Variants in NUDCD1 observed in about 807,000 individuals in gnomAD.
The protein encoded by NUDCD1 is nudC domain-containing protein 1.
NUDCD1 carries 60 observed loss-of-function variants against 67.8 expected under a neutral mutation model. The observed-to-expected ratio is 0.88, with a 90% CI of 0.72 to 1.10. The LOEUF is 1.10. Ranked by LOEUF, NUDCD1 falls within the 50% of genes least tolerant of loss-of-function variation. NUDCD1 has a pLI of 0.00. For missense variants in NUDCD1, 643 were observed against 695.0 expected (o/e 0.93, Z 0.84); for synonymous variants, 244 against 230.8 (o/e 1.06, Z -0.52).
chr8:109,280,838 T>C (rs1380084497), intron 6 of NUDCD1, 130 bp downstream of exon 6: 5 of 476,410 alleles, frequency 1.0e-5, no homozygotes, highest in Non-Finnish European at 1.8e-5. Flanking sequence ...ATTTTTAATA[T>C]ATCTTAAGAA....
At chr8:109,332,505 T>C (rs1212035600) in intron 1 of NUDCD1, among the ~76,000 whole-genome samples, 1 of 152,150 alleles carries the variant, frequency 6.6e-6, no homozygotes, top group Non-Finnish European at 1.5e-5. Context: ...AACAAGCTTA[T>C]AGTCTGAGAC....
At chr8:109,310,929 C>T (rs1444201832) in intron 2 of NUDCD1, among the ~76,000 whole-genome samples, 2 of 150,820 alleles carry the variant, frequency 1.3e-5, no homozygotes, top group Non-Finnish European at 2.9e-5. Context: ...GATTCCCCTG[C>T]CTCAGCCTCC....
chr8:109,283,607 G>A (rs569507731), intron 5 of NUDCD1, among the ~76,000 whole-genome samples: 77 of 152,324 alleles, frequency 5.1e-4, no homozygotes, highest in Non-Finnish European at 9.1e-4. Flanking sequence ...TCACAAGCCA[G>A]GAGAGATTGA....
At chr8:109,328,135 AACAAAGG>A (rs1815719836) in intron 1 of NUDCD1, among the ~76,000 whole-genome samples, 1 of 152,222 alleles carries the variant, frequency 6.6e-6, no homozygotes, top group Non-Finnish European at 1.5e-5. Flanking sequence ...GACATAAAAC[AACAAAGG>A]ACACTTATGA....
chr8:109,305,576 C>T (rs1473403370), intron 2 of NUDCD1, among the ~76,000 whole-genome samples: 1 of 152,172 alleles, frequency 6.6e-6, no homozygotes, highest in South Asian at 2.1e-4. Context: ...CGAGATACTA[C>T]AGGGTACAAT....
chr8:109,333,884 G>T lies in NUDCD1; in HGVS notation c.118+9C>A. On this transcript the variant is annotated intron_variant, in intron 1 of 9. Coordinates refer to ENST00000239690, the MANE Select transcript of NUDCD1 (RefSeq NM_032869.4). ...GGAACGGAGTACGAAGGGCGCCGCC[G>T]CTTCCCACCTGCGTCAAGCTCCAGC... 5.0e-6 allele frequency: 8 copies of T among 1,613,752 alleles called. No individual in the cohort carries two copies. Among genetic ancestry groups the T allele is most frequent in the Non-Finnish European group, 6.8e-6 (8 of 1,179,790 alleles).
chr8:109,251,701 G>A (rs780889601), intron 8 of NUDCD1, among the ~76,000 whole-genome samples: 2 of 151,882 alleles, frequency 1.3e-5, no homozygotes, highest in Non-Finnish European at 2.9e-5. Flanking sequence ...TCTTTTCAGA[G>A]GACTAGCTTT....
At chr8:109,267,820 G>A (rs893800660) in intron 8 of NUDCD1, among the ~76,000 whole-genome samples, 2 of 152,146 alleles carry the variant, frequency 1.3e-5, no homozygotes, top group African/African-American at 4.8e-5. Context: ...GATAGAACCT[G>A]CTTACCACAG....
chr8:109,301,317 C>T (rs1342801822), intron 2 of NUDCD1, among the ~76,000 whole-genome samples: 1 of 152,146 alleles, frequency 6.6e-6, no homozygotes, highest in African/African-American at 2.4e-5. Flanking sequence ...TTGTAATATT[C>T]TCTCCGCCCT....
intron 2 of NUDCD1, among the ~76,000 whole-genome samples, chr8:109,320,962 G>A (rs1815519634): frequency 6.6e-6 from 1 of 152,148 alleles, no homozygotes; most frequent in African/African-American, 2.4e-5. Context: ...GGAAATAATG[G>A]ATACTGGAGA....
chr8:109,260,679 C>G (rs114464601), intron 8 of NUDCD1, among the ~76,000 whole-genome samples: 8 of 152,282 alleles, frequency 5.3e-5, no homozygotes, highest in Non-Finnish European at 1.2e-4. Flanking sequence ...AGTATTGCTA[C>G]GCATACACAC....
At chr8:109,315,496 C>G (rs1449644253) in intron 2 of NUDCD1, 2 of 152,144 alleles carry the variant, frequency 1.3e-5, no homozygotes, top group African/African-American at 4.8e-5. Context: ...TGTCTGCTCT[C>G]CATCCCATTC....
chr8:109,296,088 G>A (rs1048989792), intron 3 of NUDCD1, among the ~76,000 whole-genome samples: 1 of 152,112 alleles, frequency 6.6e-6, no homozygotes, highest in African/African-American at 2.4e-5. Flanking sequence ...TCTTCAAGAA[G>A]GAGGAGGCAA....
chr8:109,275,394 A>G lies in NUDCD1; in HGVS notation c.1131T>C (p.Ala377=), dbSNP rs755649383. ...GELIRDSAQC[A]AIAERLMHLT... ...AATGCATCAAACGTTCAGCTATTGC[A>G]GCACACTGGGCTGAATCTCTTATAA... Residue 377 remains alanine, a synonymous_variant, in exon 7 of 10, where the codon GCT becomes GCC. Coordinates refer to ENST00000239690, the MANE Select transcript of NUDCD1 (RefSeq NM_032869.4). 2.5e-6 allele frequency: 4 copies of G among 1,613,628 alleles called. No homozygotes were observed. The highest frequency in any genetic ancestry group is 3.3e-5 in the Admixed American group (2 of 59,962).
At chr8:109,256,638 A>G (rs1168523038) in intron 8 of NUDCD1, among the ~76,000 whole-genome samples, 2 of 152,218 alleles carry the variant, frequency 1.3e-5, no homozygotes, top group Non-Finnish European at 2.9e-5. Context: ...ATCTTCACAC[A>G]AAGTACTTAT....
chr8:109,328,091 A>G (rs771816805), intron 1 of NUDCD1, among the ~76,000 whole-genome samples: 1 of 152,202 alleles, frequency 6.6e-6, no homozygotes, highest in Non-Finnish European at 1.5e-5. Flanking sequence ...CAAACCAGAG[A>G]AAGTTAAATG....
chr8:109,323,211 T>C (rs976129503), intron 1 of NUDCD1, among the ~76,000 whole-genome samples: 1 of 152,172 alleles, frequency 6.6e-6, no homozygotes, highest in Non-Finnish European at 1.5e-5. Flanking sequence ...TATAAATGGA[T>C]TATGCTGGGC....
intron 8 of NUDCD1, among the ~76,000 whole-genome samples, chr8:109,265,704 T>C (rs957063564): frequency 6.6e-6 from 1 of 151,922 alleles, no homozygotes; most frequent in Non-Finnish European, 1.5e-5. Flanking sequence ...AAGGCAGGGG[T>C]GTGTGGGGGT....
At chr8:109,325,850 G>C (rs984924854) in intron 1 of NUDCD1, among the ~76,000 whole-genome samples, 3 of 152,132 alleles carry the variant, frequency 2.0e-5, no homozygotes, top group African/African-American at 7.2e-5. Context: ...AATAAAGCAG[G>C]GTAAATCCAG....
Sources: gnomAD v4.1 joint callset for allele counts (sites outside exome capture counted in the v4.1 genomes callset) on GRCh38, gnomAD v4.1.1 for gene constraint, MANE v1.5 for transcripts, NCBI Gene and HGNC (gene_info 2026-07-23, HGNC 2026-07-21) for gene names.